EMCN: variants seen among roughly 807,000 people sequenced by gnomAD.
The protein encoded by EMCN is endomucin.
Under a neutral mutation model 38.4 loss-of-function variants are expected in EMCN, and 37 were observed. That is an observed-to-expected ratio of 0.96 (90% CI 0.74 to 1.27). EMCN has a LOEUF of 1.27. EMCN is among the 50% of genes most tolerant of loss of function. The pLI, the probability that EMCN is intolerant of heterozygous loss-of-function variation, is 0.00. For synonymous variants in EMCN, 95 were observed against 100.8 expected (o/e 0.94, Z 0.35); for missense variants, 318 against 302.8 (o/e 1.05, Z -0.37).
At chr4:100,516,353 C>T (rs1016075190) in intron 1 of EMCN, among the ~76,000 whole-genome samples, 1 of 151,968 alleles carries the variant, frequency 6.6e-6, no homozygotes, top group African/African-American at 2.4e-5. Context: ...TTAACAATGC[C>T]GGCAAAGTAT....
At chr4:100,423,521 A>C in intron 5 of EMCN, 117 bp from the exon 6 acceptor site, 1 of 690,838 alleles carries the variant, frequency 1.4e-6, no homozygotes, top group Non-Finnish European at 2.6e-6. Context: ...TTTATTGTCA[A>C]ATAGTAGGAT....
At chr4:100,405,384 A>G (rs985479275) in intron 11 of EMCN, among the ~76,000 whole-genome samples, 84 of 151,976 alleles carry the variant, frequency 5.5e-4, no homozygotes, top group Non-Finnish European at 1.0e-3. Context: ...TTTGAGGTAT[A>G]TTTCTTCAAT....
intron 2 of EMCN, among the ~76,000 whole-genome samples, chr4:100,476,151 G>A (rs1276224653): frequency 6.6e-6 from 1 of 151,474 alleles, no homozygotes; most frequent in Non-Finnish European, 1.5e-5. Flanking sequence ...CCAACTCTCT[G>A]TAATGGTCTT....
intron 5 of EMCN, among the ~76,000 whole-genome samples, chr4:100,439,562 T>A (rs34867942): frequency 0.12 from 18,571 of 151,394 alleles, 1,332 homozygotes; most frequent in Middle Eastern, 0.17. Flanking sequence ...TTATCCATTT[T>A]TTTTTATTTT....
chr4:100,448,826 C>CCTTCCTTCTTT (rs1179151604), intron 4 of EMCN, among the ~76,000 whole-genome samples: 20,897 of 139,262 alleles, frequency 0.15, 2,596 homozygotes, highest in East Asian at 0.49. Flanking sequence ...CTTCCTTCCT[C>CCTTCCTTCTTT]CCTCCCTCCC....
At chr4:100,402,978 G>A (rs1053976888) in intron 11 of EMCN, among the ~76,000 whole-genome samples, 11 of 152,094 alleles carry the variant, frequency 7.2e-5, no homozygotes, top group Admixed American at 2.0e-4. Flanking sequence ...CCATATATCA[G>A]CTAGGGCTGG....
chr4:100,431,335 T>G (rs1303329596), intron 5 of EMCN, among the ~76,000 whole-genome samples: 1 of 152,214 alleles, frequency 6.6e-6, no homozygotes, highest in Non-Finnish European at 1.5e-5. Flanking sequence ...GGTGCCCAGA[T>G]GTTTGGTCAA....
chr4:100,453,187 A>C (rs113091254), intron 4 of EMCN, among the ~76,000 whole-genome samples: 1,555 of 152,290 alleles, frequency 0.01, 30 homozygotes, highest in African/African-American at 0.036. Context: ...TAATTAAACT[A>C]AAGAGCTTCT....
intron 4 of EMCN, among the ~76,000 whole-genome samples, chr4:100,455,612 CTATT>C (rs978985823): frequency 1.3e-5 from 2 of 148,870 alleles, no homozygotes; most frequent in African/African-American, 4.9e-5. Context: ...TTGTTCTTCT[CTATT>C]TAATGTATAA....
rs1560631485 is a variant in EMCN at position 100,475,659 on chromosome 4, C to CTGTTTTTTT, written c.188-551_188-550insAAAAAAACA. Among the ~76,000 whole-genome samples the CTGTTTTTTT allele has an allele frequency of 5.0e-5, 3 of 60,314 alleles. 1 individual carries two copies. Among genetic ancestry groups the CTGTTTTTTT allele is most frequent in the Non-Finnish European group, 5.6e-5 (2 of 35,536 alleles). 39.6% of individuals were successfully genotyped at this position (60,314 alleles called of 152,430 possible). A position where few individuals can be genotyped will look rare whatever the true frequency, so the allele number is the denominator to read the frequency against. On this transcript the variant is annotated intron_variant, in intron 2 of 11. Coordinates refer to ENST00000296420, the MANE Select transcript of EMCN (RefSeq NM_016242.4). ...TTGAGGGCAGTATCCAATTCTAGTC[C>CTGTTTTTTT]TTTTTTTTTTTTTTTTTTTTTTTTT... is the stretch of plus-strand genomic sequence containing the variant.
intron 5 of EMCN, among the ~76,000 whole-genome samples, chr4:100,426,915 C>T (rs1727060542): frequency 6.6e-6 from 1 of 152,062 alleles, no homozygotes; most frequent in Admixed American, 6.6e-5. Context: ...GAGTGAAGCT[C>T]TAAAGGGACT....
At chr4:100,503,634 AGTGGCGTGATCATGGTTCATT>A (rs1223214728) in intron 1 of EMCN, among the ~76,000 whole-genome samples, 1 of 152,000 alleles carries the variant, frequency 6.6e-6, no homozygotes, top group African/African-American at 2.4e-5. Flanking sequence ...GCTGGAGTGC[AGTGGCGTGATCATGGTTCATT>A]GCAGCCTTGA....
At chr4:100,494,486 A>C (rs1476736536) in intron 1 of EMCN, among the ~76,000 whole-genome samples, 1 of 152,162 alleles carries the variant, frequency 6.6e-6, no homozygotes, top group African/African-American at 2.4e-5. Context: ...GAGATCAAGA[A>C]GTAAACAGCA....
chr4:100,463,236 G>T (rs558586938), intron 4 of EMCN, among the ~76,000 whole-genome samples: 4 of 152,128 alleles, frequency 2.6e-5, no homozygotes, highest in South Asian at 2.1e-4. Flanking sequence ...TGCTCACAGG[G>T]TATTCCTATC....
At chr4:100,509,266 T>TA (rs1335276354) in intron 1 of EMCN, among the ~76,000 whole-genome samples, 3 of 152,172 alleles carry the variant, frequency 2.0e-5, no homozygotes, top group Non-Finnish European at 4.4e-5. Flanking sequence ...TTAATTGATA[T>TA]AAAACTTGTA....
At chr4:100,421,404 T>C in intron 7 of EMCN, 27 bp from the exon 8 acceptor site, 2 of 1,567,486 alleles carry the variant, frequency 1.3e-6, no homozygotes, top group South Asian at 1.1e-5. Context: ...ACATTGTCAA[T>C]TAGAGTGGCT....
At chr4:100,458,126 G>C (rs1728070655) in intron 4 of EMCN, among the ~76,000 whole-genome samples, 1 of 151,834 alleles carries the variant, frequency 6.6e-6, no homozygotes, top group Admixed American at 6.6e-5. Flanking sequence ...AAAAAAAAAA[G>C]TGTTTCCTTC....
chr4:100,510,401 T>C (rs1288220994), intron 1 of EMCN, among the ~76,000 whole-genome samples: 1 of 152,218 alleles, frequency 6.6e-6, no homozygotes, highest in Non-Finnish European at 1.5e-5. Flanking sequence ...AGTTCTATTG[T>C]GAAAAATTTT....
chr4:100,465,321 A>G (rs1728284907), intron 4 of EMCN, 102 bp downstream of exon 4: 2 of 654,106 alleles, frequency 3.1e-6, no homozygotes, highest in Non-Finnish European at 5.3e-6. Flanking sequence ...AGACAATTTA[A>G]GCAGAGCATA....
Sources: allele counts gnomAD v4.1 joint callset (sites outside exome capture counted in the v4.1 genomes callset), GRCh38; gene constraint gnomAD v4.1.1; transcripts MANE v1.5; gene names NCBI Gene and HGNC (gene_info 2026-07-23, HGNC 2026-07-21).